Variants in TRIM65 observed in about 807,000 individuals in gnomAD.
The protein encoded by TRIM65 is E3 ubiquitin-protein ligase TRIM65.
A neutral mutation model predicts 36.1 loss-of-function variants in TRIM65; 46 were observed. That is an observed-to-expected ratio of 1.27 (90% CI 1.01 to 1.63). The LOEUF (loss-of-function observed/expected upper bound fraction) is 1.63, where lower values mean the gene tolerates loss of function less well. Ranked by LOEUF, TRIM65 falls within the 40% of genes most tolerant of loss-of-function variation. The probability of loss-of-function intolerance (pLI) is 0.00; values close to 1 mark genes in which losing one functional copy is unlikely to be tolerated. For missense variants in TRIM65, 708 were observed against 696.6 expected (o/e 1.02, Z -0.18); for synonymous variants, 346 against 313.6 (o/e 1.10, Z -1.09).
chr17:75,892,539 C>A (rs2065287100), intron 2 of TRIM65, 39 bp from the exon 3 acceptor site: 2 of 1,574,392 alleles, frequency 1.3e-6, no homozygotes, highest in Admixed American at 3.4e-5. Flanking sequence ...TGGCCAGGGC[C>A]CTGTGCCATA....
Position 75,896,553 on chromosome 17 carries a change from G to A in TRIM65, c.385C>T (p.Leu129=). ...VRECRLHERA[L]LDAERLKREA... ...CGCTTGAGGCGCTCGGCATCCAGCA[G>A]CGCCCGCTCGTGGAGGCGACACTCG... The change falls in exon 1 of 6, where the codon CTG becomes TTG. Residue 129 remains leucine (L), a synonymous_variant. Coordinates refer to ENST00000269383, the MANE Select transcript of TRIM65 (RefSeq NM_173547.4). The A allele has an allele frequency of 1.5e-6, 2 of 1,359,716 alleles. No homozygotes were observed. The highest frequency in any genetic ancestry group is 1.9e-6 in the Non-Finnish European group (2 of 1,057,240). 84.2% of individuals were successfully genotyped at this position (1,359,716 alleles called of 1,614,324 possible).
At position 75,891,246 on chromosome 17, in the gene TRIM65, C is replaced by T; in HGVS notation, c.1087G>A (p.Gly363Ser). 11 of 1,612,912 alleles carry T rather than the reference C, an allele frequency of 6.8e-6. No individual in the cohort carries two copies. Among genetic ancestry groups the T allele is most frequent in the Middle Eastern group, 1.6e-4 (1 of 6,062 alleles). ...CAGAGCTCAAAGCTGCCGGGCCCGC[C>T]TGGGCCCCGGGACTGACGACAGTGC... ...VKHCRQSRGP[G>S]GPGSFELWQV... The change falls in exon 6 of 6, where the codon GGC becomes AGC. Residue 363 changes from glycine to serine, a missense_variant. Physicochemically the swap from Gly to Ser is moderately conservative, Grantham distance 56 (BLOSUM62 0). Transcript: ENST00000269383.
At chr17:75,881,235 CAAAAAAA>C (rs58718762) in intron 4 of TRIM65, among the ~76,000 whole-genome samples, 8 of 110,274 alleles carry the variant, frequency 7.3e-5, no homozygotes, top group East Asian at 3.0e-4. Flanking sequence ...GACTCCATCT[CAAAAAAA>C]AAAAAAAAAA....
In TRIM65 at chr17:75,891,269, T is replaced by C. The variant is rs2065262085; in HGVS notation, c.1064A>G (p.His355Arg). ...YLSRQDQQVK[H>R]CRQSRGPGGP... ...GCCTGGGCCCCGGGACTGACGACAGTGCTTCACCTGCTGGTCCTGGCGCGA... is the reference window on the plus strand; with the variant it reads ...GCCTGGGCCCCGGGACTGACGACAGCGCTTCACCTGCTGGTCCTGGCGCGA... The change falls in exon 6 of 6, where the codon CAC (histidine) becomes CGC (arginine). Residue 355 changes from histidine (H) to arginine (R), a missense_variant. Transcript: ENST00000269383. 2 of 1,612,910 alleles carry C rather than the reference T, an allele frequency of 1.2e-6. No homozygotes were observed. The highest frequency in any genetic ancestry group is 3.3e-5 in the Admixed American group (2 of 59,994).
Position 75,890,515 on chromosome 17 carries a change from C to T in TRIM65, c.*264G>A, listed in dbSNP as rs1172862680. 3 of 371,006 alleles carry T rather than the reference C, an allele frequency of 8.1e-6. No individual in the cohort carries two copies. Among genetic ancestry groups the T allele is most frequent in the Non-Finnish European group, 1.4e-5 (3 of 209,716 alleles). The allele number at this position is 371,006 out of a possible 1,614,324, so 23.0% of individuals were successfully genotyped here. On this transcript the variant is annotated 3_prime_UTR_variant, in exon 6 of 6. Transcript: ENST00000269383. ...CCAGAAGTCCCCTGGGCACTGCTCT[C>T]GCCTCCCAGGCCCAGACAGTACCTA... is the stretch of plus-strand genomic sequence containing the variant.
At chr17:75,896,201 GC>G (rs1299113240) in intron 1 of TRIM65, among the ~76,000 whole-genome samples, 2 of 152,150 alleles carry the variant, frequency 1.3e-5, no homozygotes, top group Admixed American at 1.3e-4. Flanking sequence ...GACTACAGGC[GC>G]CCGCCACCAC....
chr17:75,892,230 G>A, intron 3 of TRIM65, 37 bp downstream of exon 3: 1 of 1,593,294 alleles, frequency 6.3e-7, no homozygotes, highest in South Asian at 1.1e-5. Context: ...GAGGGGCAGG[G>A]AAGCAAGTCC....
chr17:75,896,576 T>A lies in TRIM65; in HGVS notation c.362A>T (p.Glu121Val). The A allele has an allele frequency of 7.3e-7, 1 of 1,361,820 alleles. No homozygotes were observed. The allele number at this position is 1,361,820 out of a possible 1,614,324, so 84.4% of individuals were successfully genotyped here. Residue 121 changes from glutamate (E) to valine (V), a missense_variant, in exon 1 of 6, where the codon GAG becomes GTG. Coordinates refer to ENST00000269383, the MANE Select transcript of TRIM65 (RefSeq NM_173547.4). ...CAGCGCCCGCTCGTGGAGGCGACAC[T>A]CGCGCACGGTGCACACGCTGCACAC... Reference protein sequence around the residue: ...RCVCSVCTVRECRLHERALLD... With the variant: ...RCVCSVCTVRVCRLHERALLD...
chr17:75,886,865 C>T (rs543917021), downstream of TRIM65, among the ~76,000 whole-genome samples: 2 of 152,256 alleles, frequency 1.3e-5, no homozygotes, highest in South Asian at 4.1e-4. Flanking sequence ...CCCTCGATAC[C>T]AGCGTGCGTT....
chr17:75,895,915 CTAG>C lies in TRIM65; in HGVS notation c.414+606_414+608del, dbSNP rs1339134360. ...AGCGCAGGAGACACACGACGGTTCT[CTAG>C]CGCTTGGGCACGGAGCAGGGAGCTG... On this transcript the variant is annotated intron_variant, in intron 1 of 5. Coordinates refer to ENST00000269383, the MANE Select transcript of TRIM65 (RefSeq NM_173547.4). 1.1e-4 allele frequency among the ~76,000 whole-genome samples: 17 copies of C among 152,350 alleles called. No individual in the cohort carries two copies. The East Asian group carries it at 3.3e-3, about 29-fold the overall frequency.
downstream of TRIM65, among the ~76,000 whole-genome samples, chr17:75,885,473 A>G (rs147647885): frequency 4.0e-3 from 603 of 152,162 alleles, 5 homozygotes; most frequent in African/African-American, 0.014. Flanking sequence ...GAGGTGTGTT[A>G]CCACATTTCC....
In TRIM65 at chr17:75,891,210, A is replaced by G. The variant is rs374266076; in HGVS notation, c.1123T>C (p.Cys375Arg). The change falls in exon 6 of 6, where the codon TGT becomes CGT. Residue 375 changes from cysteine (C) to arginine (R), a missense_variant. Cys to Arg is a radical substitution (Grantham distance 180). Transcript: ENST00000269383. The stretch of plus-strand genomic sequence containing the variant: ...TGCCCGGCCTGGAAGCTCTGGGCAC[A>G]TTGCACCTGCCAGAGCTCAAAGCTG... The part of the protein sequence containing the change: ...PGSFELWQVQ[C>R]AQSFQAGHHY... 1.9e-6 allele frequency: 3 copies of G among 1,612,280 alleles called. No homozygotes were observed. The highest frequency in any genetic ancestry group is 2.5e-6 in the Non-Finnish European group (3 of 1,179,992).
Position 75,891,080 on chromosome 17 carries a change from C to T in TRIM65, c.1253G>A (p.Arg418Gln), listed in dbSNP as rs369294498. The change falls in exon 6 of 6, where the codon CGG becomes CAG. Residue 418 changes from arginine (R) to glutamine (Q), a missense_variant. Physicochemically the swap from Arg to Gln is conservative, Grantham distance 43. Transcript: ENST00000269383. ...RLGPHTDNIG[R>Q]GPCSWGLCVQ... ...GCAGAGCCCCCAGGAGCAGGGTCCC[C>T]GGCCAATGTTGTCTGTGTGGGGCCC... 65 of 1,611,234 alleles carry T rather than the reference C, an allele frequency of 4.0e-5. No homozygotes were observed. Among genetic ancestry groups the T allele is most frequent in the Middle Eastern group, 1.6e-4 (1 of 6,082 alleles).
chr17:75,895,482 G>A (rs2065332903), intron 1 of TRIM65, among the ~76,000 whole-genome samples: 1 of 152,118 alleles, frequency 6.6e-6, no homozygotes, highest in Non-Finnish European at 1.5e-5. Flanking sequence ...GACCCCCAGG[G>A]CCTGGCCCAC....
downstream of TRIM65, among the ~76,000 whole-genome samples, chr17:75,885,170 C>T (rs2065198131): frequency 6.6e-6 from 1 of 152,222 alleles, no homozygotes. Context: ...TCGTGATCCA[C>T]CTGCCTCGGC....
In TRIM65 at chr17:75,896,537, C is replaced by A. The variant is rs527719655; in HGVS notation, c.401G>T (p.Arg134Leu). The A allele has an allele frequency of 1.5e-6, 2 of 1,347,442 alleles. No individual in the cohort carries two copies. The highest frequency in any genetic ancestry group is 1.9e-6 in the Non-Finnish European group (2 of 1,051,574). 83.5% of individuals were successfully genotyped at this position (1,347,442 alleles called of 1,614,324 possible). ...CGGATGCGTCACCTCGCGCTTGAGG[C>A]GCTCGGCATCCAGCAGCGCCCGCTC... is the stretch of plus-strand genomic sequence containing the variant. ...LHERALLDAE[R>L]LKREAQLRAS... The change falls in exon 1 of 6, where the codon CGC (arginine) becomes CTC (leucine). Residue 134 changes from arginine to leucine, a missense_variant. Physicochemically the swap from Arg to Leu is moderately radical, Grantham distance 102 (BLOSUM62 -2). Transcript: ENST00000269383.
rs1186403607 is a variant in TRIM65 at position 75,889,880 on chromosome 17, G to A, written c.*899C>T. The A allele has an allele frequency of 1.3e-5, 2 of 152,114 alleles. No homozygotes were observed. Among genetic ancestry groups the A allele is most frequent in the Non-Finnish European group, 2.9e-5 (2 of 68,042 alleles). 9.4% of individuals were successfully genotyped at this position (152,114 alleles called of 1,614,324 possible). The stretch of plus-strand genomic sequence containing the variant: ...AGGTAGGAGAATCCCATGAGCCCAT[G>A]ACCGCACCCCTGCACACCAGCCTGG... On this transcript the variant is annotated 3_prime_UTR_variant, in exon 6 of 6. Transcript: ENST00000269383.
chr17:75,888,691 C>G (rs1005321096), downstream of TRIM65, among the ~76,000 whole-genome samples: 1 of 152,178 alleles, frequency 6.6e-6, no homozygotes, highest in Non-Finnish European at 1.5e-5. Context: ...AGGTCCTGCC[C>G]GCCTCCTGGC....
At position 75,891,211 on chromosome 17, in the gene TRIM65, T is replaced by C. The variant is rs141928567; in HGVS notation, c.1122A>G (p.Gln374=). 1.6e-5 allele frequency: 25 copies of C among 1,612,368 alleles called. No individual in the cohort carries two copies. The highest frequency in any genetic ancestry group is 2.7e-5 in the African/African-American group (2 of 74,910). Residue 374 remains glutamine (Q), a synonymous_variant, in exon 6 of 6, where the codon CAA becomes CAG. Coordinates refer to ENST00000269383, the MANE Select transcript of TRIM65 (RefSeq NM_173547.4). Reference sequence around the variant, plus strand: ...GCCCGGCCTGGAAGCTCTGGGCACATTGCACCTGCCAGAGCTCAAAGCTGC... The same window carrying C: ...GCCCGGCCTGGAAGCTCTGGGCACACTGCACCTGCCAGAGCTCAAAGCTGC... ...GPGSFELWQV[Q]CAQSFQAGHH...
Sources: gnomAD v4.1 joint callset for allele counts (sites outside exome capture counted in the v4.1 genomes callset) on GRCh38, gnomAD v4.1.1 for gene constraint, MANE v1.5 for transcripts, NCBI Gene and HGNC (gene_info 2026-07-23, HGNC 2026-07-21) for gene names.